Variants in PARVB observed in about 807,000 individuals in gnomAD.
PARVB encodes parvin beta, also known as beta-parvin.
In PARVB, 46 loss-of-function variants were observed where a neutral mutation model predicts 47.0. The observed-to-expected ratio is 0.98, with a 90% CI of 0.77 to 1.25. The LOEUF (loss-of-function observed/expected upper bound fraction) is 1.25, where lower values mean the gene tolerates loss of function less well. Ranked by LOEUF, PARVB falls within the 50% of genes most tolerant of loss-of-function variation. PARVB has a pLI of 0.00. For synonymous variants in PARVB, 196 were observed against 196.3 expected, an observed-to-expected ratio of 1.00 and a Z score of 0.01; for missense variants, 473 against 471.6, an observed-to-expected ratio of 1.00 and a Z score of -0.03.
chr22:44,049,093 GGTGCCCTCTGTCCTGT>G lies in PARVB; in HGVS notation c.112+24644_112+24659del, dbSNP rs1191414157. On this transcript the variant is annotated intron_variant, in intron 1 of 12. Transcript: ENST00000338758. This position sits in a 1 kb window ranked among gnomAD's most constrained non-coding sequence, Gnocchi z 4.0. ...GTCCAGGCTTTCCGGCTCCAGGGCT[GGTGCCCTCTGTCCTGT>G]GCCACTTCCCCTGCAAAATGAGATG... is the stretch of plus-strand genomic sequence containing the variant. Among the ~76,000 whole-genome samples the G allele has an allele frequency of 1.3e-5, 2 of 152,106 alleles. No homozygotes were observed. The highest frequency in any genetic ancestry group is 2.9e-5 in the Non-Finnish European group (2 of 68,012).
At chr22:44,143,256 G>C (rs967778882) in intron 8 of PARVB, 2 of 152,442 alleles carry the variant, frequency 1.3e-5, no homozygotes, top group Admixed American at 1.3e-4. Context: ...GGGATGGCCT[G>C]GCTCCTCTTC....
chr22:44,040,318 A>G (rs1569069403), intron 1 of PARVB, among the ~76,000 whole-genome samples: 2 of 152,078 alleles, frequency 1.3e-5, no homozygotes, highest in Non-Finnish European at 1.5e-5. Flanking sequence ...AAAAGATGAT[A>G]TGGTAGACTG....
intron 1 of PARVB, among the ~76,000 whole-genome samples, chr22:44,040,561 C>T (rs774797497): frequency 6.6e-6 from 1 of 152,060 alleles, no homozygotes; most frequent in African/African-American, 2.4e-5. Context: ...GATGTGGGGC[C>T]AGGAGCCAAG....
At chr22:44,012,124 C>T (rs1366052576) in intron 2 of PARVB, among the ~76,000 whole-genome samples, 1 of 152,178 alleles carries the variant, frequency 6.6e-6, no homozygotes, top group African/African-American at 2.4e-5. Context: ...CTTTGGGGGA[C>T]TTTCCCAGTT....
rs553289137 is a variant in PARVB at position 44,136,141 on chromosome 22, G to A, written c.634-319G>A. Among the ~76,000 whole-genome samples the A allele has an allele frequency of 7.9e-5, 12 of 152,310 alleles. No individual in the cohort carries two copies. The South Asian group carries it at 2.5e-3, about 32-fold the overall frequency. On this transcript the variant is annotated intron_variant, in intron 6 of 12. Coordinates refer to ENST00000338758, the MANE Select transcript of PARVB (RefSeq NM_013327.5). ...ATGCCTCACCTCTCCTGGCTGCAAA[G>A]CATAGAGGATCCCTTTGGGGAATCC...
intron 6 of PARVB, among the ~76,000 whole-genome samples, chr22:44,134,435 A>G (rs1401690750): frequency 1.3e-5 from 2 of 152,228 alleles, no homozygotes; most frequent in Admixed American, 1.3e-4. Context: ...AGCCCTGTGC[A>G]GGCTCAGAAA....
chr22:44,154,534 GGTGTGTGT>G (rs111362553), intron 10 of PARVB, among the ~76,000 whole-genome samples: 7 of 144,898 alleles, frequency 4.8e-5, no homozygotes, highest in South Asian at 2.2e-4. Context: ...TAGTCTGGTG[GGTGTGTGT>G]GTGTGTGTGT....
intron 9 of PARVB, chr22:44,151,267 G>C: frequency 1.9e-6 from 1 of 518,242 alleles, no homozygotes; most frequent in Non-Finnish European, 3.5e-6. Context: ...TTGGTGAGCA[G>C]AGACGTGTAG....
At chr22:44,011,716 G>A (rs1352180609) in intron 2 of PARVB, among the ~76,000 whole-genome samples, 1 of 152,058 alleles carries the variant, frequency 6.6e-6, no homozygotes, top group African/African-American at 2.4e-5. Context: ...AGACCACTGT[G>A]TCTTCCCTGG....
intron 4 of PARVB, chr22:44,119,974 T>C: frequency 2.3e-6 from 1 of 430,316 alleles, no homozygotes. Flanking sequence ...CTTGGACTTG[T>C]AGTGGGTTCT....
In PARVB at chr22:44,168,800, TCCCCACCCCACCCCTACCTCACGCCTG is replaced by T; in HGVS notation, c.*132_*158del. 1 of 666,736 alleles carries T rather than the reference TCCCCACCCCACCCCTACCTCACGCCTG, an allele frequency of 1.5e-6. No homozygotes were observed. The highest frequency in any genetic ancestry group is 2.7e-6 in the Non-Finnish European group (1 of 369,564). The allele number at this position is 666,736 out of a possible 1,614,324, so 41.3% of individuals were successfully genotyped here. Reference sequence around the variant, plus strand: ...CTGGTCCAAGCTGTGTTGACTGTCATCCCCACCCCACCCCTACCTCACGCCTGCCCCACCCCCTGCCTCTTTTGGTTG... The same window carrying T: ...CTGGTCCAAGCTGTGTTGACTGTCATCCCCACCCCCTGCCTCTTTTGGTTG... On this transcript the variant is annotated 3_prime_UTR_variant, in exon 13 of 13. Coordinates refer to ENST00000338758, the MANE Select transcript of PARVB (RefSeq NM_013327.5).
intron 6 of PARVB, among the ~76,000 whole-genome samples, chr22:44,134,299 T>TG (rs1356773182): frequency 2.0e-5 from 3 of 152,156 alleles, no homozygotes; most frequent in Non-Finnish European, 2.9e-5. Context: ...ACTCGGGACC[T>TG]GGGGGGCCAT....
At chr22:44,164,414 C>CA (rs572889800) in intron 12 of PARVB, among the ~76,000 whole-genome samples, 4 of 146,336 alleles carry the variant, frequency 2.7e-5, no homozygotes, top group Non-Finnish European at 4.6e-5. Flanking sequence ...CCCTGTCCCC[C>CA]CCCCGGCTCC....
intron 1 of PARVB, among the ~76,000 whole-genome samples, chr22:44,070,927 C>T (rs999486241): frequency 2.0e-5 from 3 of 152,164 alleles, no homozygotes; most frequent in Admixed American, 6.5e-5. Flanking sequence ...CAGGCTTATT[C>T]GAAGTCAGTG....
Position 44,049,710 on chromosome 22 carries a change from C to T in PARVB, c.112+25259C>T, listed in dbSNP as rs1291857093. 6.6e-6 allele frequency among the ~76,000 whole-genome samples: 1 copy of T among 152,246 alleles called. No homozygotes were observed. Among genetic ancestry groups the T allele is most frequent in the East Asian group, 1.9e-4 (1 of 5,202 alleles). On this transcript the variant is annotated intron_variant, in intron 1 of 12. Coordinates refer to ENST00000338758, the MANE Select transcript of PARVB (RefSeq NM_013327.5). This position sits in a 1 kb window ranked among gnomAD's most constrained non-coding sequence, Gnocchi z 4.0. ...CAAGGAACCCTAGGGGCTGCCATAG[C>T]CCTGGAGATACTGGCTGGAAATCAA...
At chr22:44,112,391 G>C (rs980116580) in intron 3 of PARVB, 1 of 152,534 alleles carries the variant, frequency 6.6e-6, no homozygotes, top group Middle Eastern at 3.4e-3. Flanking sequence ...TCCAGGGTCG[G>C]CCCTGTCCCC....
chr22:44,120,758 C>T (rs1017280642), intron 4 of PARVB, among the ~76,000 whole-genome samples: 1 of 152,004 alleles, frequency 6.6e-6, no homozygotes, highest in East Asian at 1.9e-4. Flanking sequence ...TCACTGCACC[C>T]TCAAACTCCT....
At position 44,136,529 on chromosome 22, in the gene PARVB, C is replaced by T; in HGVS notation, c.692+11C>T. 1 of 1,611,560 alleles carries T rather than the reference C, an allele frequency of 6.2e-7. No individual in the cohort carries two copies. The highest frequency in any genetic ancestry group is 8.5e-7 in the Non-Finnish European group (1 of 1,177,730). On this transcript the variant is annotated intron_variant, in intron 7 of 12. Coordinates refer to ENST00000338758, the MANE Select transcript of PARVB (RefSeq NM_013327.5). The stretch of plus-strand genomic sequence containing the variant: ...GACCACAACTACAGAGTAAGTGGAC[C>T]CCTGTCTTGCCCTTCCAGGCCCTGC...
rs2051448798 is a variant in PARVB, at chr22:44,063,014, C to A, written c.113-30914C>A. The stretch of plus-strand genomic sequence containing the variant: ...TGTCTGGGTCTTTCTGGTGCTCAGC[C>A]CCCACCCAGGAGCCACCAAGAGTCA... On this transcript the variant is annotated intron_variant, in intron 1 of 12. Transcript: ENST00000338758. 2.0e-5 allele frequency among the ~76,000 whole-genome samples: 3 copies of A among 152,108 alleles called. No individual in the cohort carries two copies. The South Asian group carries it at 6.2e-4, about 32-fold the overall frequency.
Sources: gnomAD v4.1 joint callset for allele counts (sites outside exome capture counted in the v4.1 genomes callset) on GRCh38, gnomAD v4.1.1 for gene constraint, Gnocchi (gnomAD v3.1) non-coding constraint, MANE v1.5 for transcripts, NCBI Gene and HGNC (gene_info 2026-07-23, HGNC 2026-07-21) for gene names.